The following NLGN1 variants were observed in gnomAD, a reference collection of about 807,000 sequenced individuals.
NLGN1 encodes neuroligin-1.
Under a neutral mutation model 65.5 loss-of-function variants are expected in NLGN1, and 12 were observed. The observed-to-expected ratio is 0.18, with a 90% confidence interval of 0.12 to 0.30. NLGN1 has a LOEUF of 0.30. Ranked by LOEUF, NLGN1 falls within the 10% of genes least tolerant of loss-of-function variation. The probability of loss-of-function intolerance (pLI) is 1.00; values close to 1 mark genes in which losing one functional copy is unlikely to be tolerated. For missense variants in NLGN1, 750 were observed against 1,007.1 expected (o/e 0.74, Z 3.46); for synonymous variants, 350 against 359.5 (o/e 0.97, Z 0.30).
intron 4 of NLGN1, among the ~76,000 whole-genome samples, chr3:174,179,026 G>T (rs1729928883): frequency 6.6e-6 from 1 of 152,140 alleles, no homozygotes; most frequent in Middle Eastern, 3.4e-3. Context: ...TAAGTCAGTA[G>T]TTATTATTAC....
intron 4 of NLGN1, among the ~76,000 whole-genome samples, chr3:174,006,603 C>T (rs576089724): frequency 3.9e-5 from 6 of 152,130 alleles, no homozygotes; most frequent in South Asian, 2.1e-4. Flanking sequence ...ATATTTTATT[C>T]TATCTATTCA....
chr3:173,655,490 A>G (rs561136296), intron 3 of NLGN1, among the ~76,000 whole-genome samples: 3 of 152,076 alleles, frequency 2.0e-5, no homozygotes, highest in Admixed American at 2.0e-4. Flanking sequence ...TTCTCTCAGT[A>G]TGTTATCATT....
chr3:173,929,862 G>A (rs965711037), intron 4 of NLGN1, among the ~76,000 whole-genome samples: 3 of 151,794 alleles, frequency 2.0e-5, no homozygotes, highest in Admixed American at 6.6e-5. Flanking sequence ...GTGCCACCAC[G>A]CCCAGCTAAT....
intron 2 of NLGN1, among the ~76,000 whole-genome samples, chr3:173,567,483 A>G (rs566853132): frequency 2.6e-5 from 4 of 152,022 alleles, no homozygotes; most frequent in African/African-American, 7.2e-5. Flanking sequence ...ATAACGTTTA[A>G]TTTTTATGTG....
At position 173,785,006 on chromosome 3, in the gene NLGN1, TATATAGAC is replaced by T. The variant is rs1346293849; in HGVS notation, c.494-22672_494-22665del. 4.1e-3 allele frequency among the ~76,000 whole-genome samples: 518 copies of T among 125,066 alleles called. 1 individual carries two copies. The highest frequency in any genetic ancestry group is 0.016 in the African/African-American group (491 of 31,580). 82.0% of individuals were successfully genotyped at this position (125,066 alleles called of 152,430 possible). A position where few individuals can be genotyped will look rare whatever the true frequency, so the allele number is the denominator to read the frequency against. On this transcript the variant is annotated intron_variant, in intron 3 of 6. Transcript: ENST00000457714. The stretch of plus-strand genomic sequence containing the variant: ...AATACACACATTAACACAAAACAAA[TATATAGAC>T]AGAGGCAGAAATGACATTTATGCAC...
At chr3:173,666,677 T>C (rs529234972) in intron 3 of NLGN1, among the ~76,000 whole-genome samples, 1 of 152,310 alleles carries the variant, frequency 6.6e-6, no homozygotes, top group African/African-American at 2.4e-5. Flanking sequence ...TGTACATTCA[T>C]TGCTGTCCTG....
chr3:173,481,310 A>G (rs1727240874), intron 2 of NLGN1, among the ~76,000 whole-genome samples: 1 of 152,020 alleles, frequency 6.6e-6, no homozygotes, highest in African/African-American at 2.4e-5. Flanking sequence ...TTTTCTGACT[A>G]ATATAAAATT....
intron 4 of NLGN1, among the ~76,000 whole-genome samples, chr3:174,010,172 A>G (rs545316577): frequency 6.6e-6 from 1 of 152,300 alleles, no homozygotes; most frequent in African/African-American, 2.4e-5. Context: ...TTCAAATCAA[A>G]ACATAATACC....
At chr3:173,577,450 C>A (rs1319889005) in intron 2 of NLGN1, among the ~76,000 whole-genome samples, 1 of 152,138 alleles carries the variant, frequency 6.6e-6, no homozygotes, top group African/African-American at 2.4e-5. Flanking sequence ...TCTCTCCCTT[C>A]CTCCTAGTAC....
chr3:173,684,296 C>A (rs903428783), intron 3 of NLGN1, among the ~76,000 whole-genome samples: 9 of 152,100 alleles, frequency 5.9e-5, no homozygotes, highest in African/African-American at 2.2e-4. Flanking sequence ...ATATACCTTT[C>A]CAGCAGCATG....
intron 4 of NLGN1, among the ~76,000 whole-genome samples, chr3:173,867,653 TAATG>T (rs1452414513): frequency 6.6e-6 from 1 of 152,074 alleles, no homozygotes; most frequent in African/African-American, 2.4e-5. Context: ...CAATATCTGA[TAATG>T]AATAAAAAGA....
At chr3:173,971,039 C>T (rs1044572577) in intron 4 of NLGN1, among the ~76,000 whole-genome samples, 3 of 151,922 alleles carry the variant, frequency 2.0e-5, no homozygotes, top group African/African-American at 4.8e-5. Context: ...AAGATGAAAC[C>T]GTGAGTTAAT....
chr3:173,398,390 T>C (rs1244997503), upstream of NLGN1: 1 of 152,180 alleles, frequency 6.6e-6, no homozygotes, highest in Non-Finnish European at 1.5e-5. Context: ...ACTAATATAT[T>C]ATGCATTATT....
In NLGN1 at chr3:173,804,804, A is replaced by T. The variant is rs566674743; in HGVS notation, c.494-2876A>T. ...CACTTTGGGAGGCCGAGGAGGGCAGATCACCTGAGGTCAGGAGTTCAAGAC... is the reference window on the plus strand; with the variant it reads ...CACTTTGGGAGGCCGAGGAGGGCAGTTCACCTGAGGTCAGGAGTTCAAGAC... On this transcript the variant is annotated intron_variant, in intron 3 of 6. Coordinates refer to ENST00000457714, the Ensembl canonical transcript of NLGN1. Among the ~76,000 whole-genome samples, 3 of 152,290 alleles carry T rather than the reference A, an allele frequency of 2.0e-5. No homozygotes were observed. The South Asian group carries it at 6.2e-4, about 32-fold the overall frequency.
intron 2 of NLGN1, among the ~76,000 whole-genome samples, chr3:173,536,269 C>G (rs183220546): frequency 3.0e-4 from 46 of 152,266 alleles, no homozygotes; most frequent in South Asian, 1.7e-3. Flanking sequence ...TAATCACAGT[C>G]TATTCTGGAG....
At chr3:173,750,527 T>C (rs2150153150) in intron 3 of NLGN1, among the ~76,000 whole-genome samples, 1 of 152,224 alleles carries the variant, frequency 6.6e-6, no homozygotes, top group South Asian at 2.1e-4. Flanking sequence ...AGCTTACAGA[T>C]TGAATGGATT....
At chr3:173,595,246 G>A (rs1214283746) in intron 2 of NLGN1, among the ~76,000 whole-genome samples, 1 of 152,086 alleles carries the variant, frequency 6.6e-6, no homozygotes, top group Non-Finnish European at 1.5e-5. Context: ...CAGCTCCCAA[G>A]TCACCTCTTG....
rs116863489 is a variant in NLGN1 at position 173,952,787 on chromosome 3, T to C, written c.646+144955T>C. 9.8e-4 allele frequency among the ~76,000 whole-genome samples: 149 copies of C among 151,970 alleles called. 2 individuals are homozygous for C. In the East Asian group the frequency reaches 0.024, roughly 24 times the overall value. ...GTGGTTAAAATTTACCTTTTTTTTTTTTTTTTGAGACAGAGTTTTCACTCT... is the reference window on the plus strand; with the variant it reads ...GTGGTTAAAATTTACCTTTTTTTTTCTTTTTTGAGACAGAGTTTTCACTCT... On this transcript the variant is annotated intron_variant, in intron 4 of 6. Transcript: ENST00000457714.
intron 4 of NLGN1, among the ~76,000 whole-genome samples, chr3:174,079,691 AACAGT>A (rs1379703867): frequency 6.6e-6 from 1 of 152,230 alleles, no homozygotes; most frequent in Non-Finnish European, 1.5e-5. Flanking sequence ...TACACCATGG[AACAGT>A]ATGTAGCTAT....
Sources: gnomAD v4.1 joint callset for allele counts (sites outside exome capture counted in the v4.1 genomes callset) on GRCh38, gnomAD v4.1.1 for gene constraint, MANE v1.5 for transcripts, NCBI Gene and HGNC (gene_info 2026-07-23, HGNC 2026-07-21) for gene names.